The following ADAM18 variants were observed in gnomAD, a reference collection of about 807,000 sequenced individuals.
The protein encoded by ADAM18 is ADAM metallopeptidase domain 18.
Under a neutral mutation model 94.4 loss-of-function variants are expected in ADAM18, and 117 were observed. That is an observed-to-expected ratio of 1.24 (90% CI 1.07 to 1.45). The LOEUF (loss-of-function observed/expected upper bound fraction) is 1.45. Ranked by LOEUF, ADAM18 falls within the 40% of genes most tolerant of loss-of-function variation. The probability of loss-of-function intolerance (pLI) is 0.00; values close to 1 mark genes in which losing one functional copy is unlikely to be tolerated. For missense variants in ADAM18, 936 were observed against 880.0 expected, an observed-to-expected ratio of 1.06 and a Z score of -0.81; for synonymous variants, 327 against 291.6, an observed-to-expected ratio of 1.12 and a Z score of -1.24.
chr8:39,668,806 G>C (rs1284360594), intron 14 of ADAM18, among the ~76,000 whole-genome samples: 3 of 152,056 alleles, frequency 2.0e-5, no homozygotes, highest in Admixed American at 2.0e-4. Flanking sequence ...ATTACCCAGT[G>C]AAATGCATAT....
At chr8:39,722,416 C>T (rs1822786378) in intron 18 of ADAM18, among the ~76,000 whole-genome samples, 2 of 150,906 alleles carry the variant, frequency 1.3e-5, no homozygotes, top group African/African-American at 4.9e-5. Context: ...AGTGAAATAA[C>T]TCAGAATCAG....
At position 39,668,207 on chromosome 8, in the gene ADAM18, T is replaced by G; in HGVS notation, c.1525+11T>G. The G allele has an allele frequency of 1.2e-6, 2 of 1,612,436 alleles. No homozygotes were observed. The highest frequency in any genetic ancestry group is 1.7e-6 in the Non-Finnish European group (2 of 1,178,518). On this transcript the variant is annotated intron_variant, in intron 14 of 19. Coordinates refer to ENST00000265707, the MANE Select transcript of ADAM18 (RefSeq NM_014237.3). ...AGATATTTGGAAAAGGTATTGCTCT[T>G]TCTTTCGTATTTATTTTACCTTACA...
At chr8:39,595,696 G>A (rs1389229240) in intron 2 of ADAM18, among the ~76,000 whole-genome samples, 1 of 151,816 alleles carries the variant, frequency 6.6e-6, no homozygotes, top group Admixed American at 6.6e-5. Flanking sequence ...TAATTTTTTT[G>A]TATTTTTAGT....
intron 10 of ADAM18, 48 bp downstream of exon 10, chr8:39,638,594 TTATATTTTG>T: frequency 1.7e-6 from 2 of 1,172,274 alleles, no homozygotes; most frequent in Non-Finnish European, 1.2e-6. Flanking sequence ...AGGCCTTATA[TTATATTTTG>T]TAAGTATTAA....
intron 2 of ADAM18, among the ~76,000 whole-genome samples, chr8:39,592,786 T>C (rs912865413): frequency 6.6e-6 from 1 of 152,112 alleles, no homozygotes; most frequent in African/African-American, 2.4e-5. Flanking sequence ...ATGCATGTAA[T>C]TCCCATGTAA....
At chr8:39,682,002 C>G (rs1821475557) in intron 16 of ADAM18, among the ~76,000 whole-genome samples, 1 of 152,040 alleles carries the variant, frequency 6.6e-6, no homozygotes, top group Non-Finnish European at 1.5e-5. Context: ...GATGCTAAAA[C>G]AAAGAAATGG....
chr8:39,699,817 T>G (rs1822015467), intron 17 of ADAM18, among the ~76,000 whole-genome samples: 2 of 152,148 alleles, frequency 1.3e-5, no homozygotes, highest in Admixed American at 1.3e-4. Context: ...GGGACCCTAT[T>G]GCCCCAGGAG....
chr8:39,614,868 G>A (rs973173257), intron 6 of ADAM18, among the ~76,000 whole-genome samples: 4 of 152,124 alleles, frequency 2.6e-5, no homozygotes, highest in Non-Finnish European at 2.9e-5. Context: ...AAAGAGCACT[G>A]CATAGTGATA....
chr8:39,721,426 C>A (rs1277978548), intron 18 of ADAM18, among the ~76,000 whole-genome samples: 1 of 151,162 alleles, frequency 6.6e-6, no homozygotes, highest in Admixed American at 6.6e-5. Context: ...TCTTAATTAA[C>A]CTAAAAAGCA....
At chr8:39,620,025 A>T (rs1254369191) in intron 6 of ADAM18, among the ~76,000 whole-genome samples, 1 of 152,112 alleles carries the variant, frequency 6.6e-6, no homozygotes, top group African/African-American at 2.4e-5. Flanking sequence ...TAGACCAATG[A>T]AATAATATAG....
At chr8:39,692,555 A>G (rs779698026) in intron 16 of ADAM18, 45 bp from the exon 17 acceptor site, 13 of 1,246,322 alleles carry the variant, frequency 1.0e-5, no homozygotes, top group Non-Finnish European at 1.4e-5. Flanking sequence ...TTCTTGTTTT[A>G]TATGACATTT....
chr8:39,655,399 A>G (rs1820657969), intron 12 of ADAM18, among the ~76,000 whole-genome samples: 1 of 152,304 alleles, frequency 6.6e-6, no homozygotes, highest in East Asian at 1.9e-4. Context: ...AAACAGTAAC[A>G]TTATGTTCTA....
At chr8:39,672,256 A>G (rs188723089) in intron 14 of ADAM18, among the ~76,000 whole-genome samples, 22 of 152,310 alleles carry the variant, frequency 1.4e-4, no homozygotes, top group Admixed American at 1.4e-3. Flanking sequence ...AGAAAGGGAT[A>G]CCATATTCAC....
chr8:39,680,264 A>G, intron 16 of ADAM18, 38 bp downstream of exon 16: 6 of 1,556,330 alleles, frequency 3.9e-6, no homozygotes, highest in Non-Finnish European at 5.3e-6. Context: ...GCTGTGTTAA[A>G]TTATGTGAAT....
intron 12 of ADAM18, among the ~76,000 whole-genome samples, chr8:39,658,962 A>G (rs1250155906): frequency 6.6e-6 from 1 of 152,120 alleles, no homozygotes; most frequent in Non-Finnish European, 1.5e-5. Flanking sequence ...AAAATAATAT[A>G]TTTTTCAAAA....
chr8:39,647,415 G>A (rs941621159), intron 11 of ADAM18, among the ~76,000 whole-genome samples: 3 of 152,152 alleles, frequency 2.0e-5, no homozygotes, highest in Non-Finnish European at 4.4e-5. Context: ...GCCATAGGGC[G>A]GTTTTTCTCC....
intron 5 of ADAM18, 52 bp from the exon 6 acceptor site, chr8:39,610,477 G>T: frequency 7.2e-6 from 11 of 1,519,678 alleles, no homozygotes; most frequent in Non-Finnish European, 9.8e-6. Flanking sequence ...ATTTTGAAGG[G>T]ATCATTTGTG....
In ADAM18 at chr8:39,648,508, G is replaced by A; in HGVS notation, c.1211G>A (p.Cys404Tyr). 8 of 1,597,482 alleles carry A rather than the reference G, an allele frequency of 5.0e-6. No homozygotes were observed. Among genetic ancestry groups the A allele is most frequent in the Middle Eastern group, 1.7e-4 (1 of 5,802 alleles). Residue 404 changes from cysteine to tyrosine, a missense_variant, in exon 12 of 20, where the codon TGT becomes TAT. Coordinates refer to ENST00000265707, the MANE Select transcript of ADAM18 (RefSeq NM_014237.3). The stretch of plus-strand genomic sequence containing the variant: ...GGGATTTTGGAATCCAATGAAGAAT[G>A]TGACTGTGGTAATAAAAATGTGAGT... ...GNGILESNEE[C>Y]DCGNKNECQF...
intron 10 of ADAM18, among the ~76,000 whole-genome samples, chr8:39,643,445 C>T (rs1363966954): frequency 6.6e-6 from 1 of 152,052 alleles, no homozygotes; most frequent in Middle Eastern, 3.2e-3. Context: ...GTATCTTCCC[C>T]ATTCCTGGGC....
Sources: allele counts gnomAD v4.1 joint callset (sites outside exome capture counted in the v4.1 genomes callset), GRCh38; gene constraint gnomAD v4.1.1; transcripts MANE v1.5; gene names NCBI Gene and HGNC (gene_info 2026-07-23, HGNC 2026-07-21).